Variants in NOX4 observed in about 807,000 individuals in gnomAD.
NOX4 encodes the protein kidney oxidase-1.
NOX4 carries 69 observed loss-of-function variants against 87.6 expected under a neutral mutation model. The observed-to-expected ratio is 0.79, with a 90% CI of 0.65 to 0.96. The LOEUF (loss-of-function observed/expected upper bound fraction) is 0.96, where lower values mean the gene tolerates loss of function less well. NOX4 is among the 40% of genes least tolerant of loss of function. The pLI is 0.00. For missense variants in NOX4, 680 were observed against 681.5 expected, an observed-to-expected ratio of 1.00 and a Z score of 0.02; for synonymous variants, 275 against 238.2, an observed-to-expected ratio of 1.15 and a Z score of -1.42.
the NOX4 span, among the ~76,000 whole-genome samples, chr11:89,567,081 T>C: frequency 6.6e-6 from 1 of 152,106 alleles, no homozygotes; most frequent in African/African-American, 2.4e-5. Context: ...TTGTTGACTA[T>C]CAGACCTGAA....
At chr11:89,459,000 C>A (rs1004432858) in intron 2 of NOX4, among the ~76,000 whole-genome samples, 1 of 152,080 alleles carries the variant, frequency 6.6e-6, no homozygotes, top group African/African-American at 2.4e-5. Context: ...AAGACACATG[C>A]ACACATACAT....
intron 12 of NOX4, among the ~76,000 whole-genome samples, chr11:89,358,478 T>C (rs1223871094): frequency 6.6e-6 from 1 of 150,946 alleles, no homozygotes; most frequent in African/African-American, 2.4e-5. Flanking sequence ...AAAGCATGTC[T>C]TTTAAAAAAA....
the NOX4 span, among the ~76,000 whole-genome samples, chr11:89,567,275 C>T: frequency 1.3e-5 from 2 of 152,146 alleles, no homozygotes; most frequent in Non-Finnish European, 1.5e-5. Context: ...ACCTAACCAT[C>T]GGAGAGCTTT....
At chr11:89,551,987 A>C in the NOX4 span, among the ~76,000 whole-genome samples, 2 of 152,124 alleles carry the variant, frequency 1.3e-5, no homozygotes, top group African/African-American at 4.8e-5. Context: ...TCTTACACAC[A>C]CACACTCACA....
At chr11:89,534,590 C>T in the NOX4 span, among the ~76,000 whole-genome samples, 5 of 152,242 alleles carry the variant, frequency 3.3e-5, no homozygotes, top group African/African-American at 1.2e-4. Context: ...TTCTGTACAG[C>T]TCTTGCCAGG....
intron 7 of NOX4, among the ~76,000 whole-genome samples, chr11:89,427,451 T>C (rs1216800491): frequency 2.0e-5 from 3 of 152,086 alleles, no homozygotes; most frequent in Non-Finnish European, 2.9e-5. Context: ...TTCGAACCCA[T>C]TGCAAAGAAG....
the NOX4 span, among the ~76,000 whole-genome samples, chr11:89,565,758 A>G: frequency 1.3e-5 from 2 of 151,924 alleles, no homozygotes; most frequent in Non-Finnish European, 2.9e-5. Flanking sequence ...ATCTATTCCT[A>G]CTTTGCTAAA....
At chr11:89,454,180 TTA>T (rs1945087705) in intron 2 of NOX4, among the ~76,000 whole-genome samples, 1 of 152,116 alleles carries the variant, frequency 6.6e-6, no homozygotes, top group Admixed American at 6.5e-5. Flanking sequence ...CTTGAATTTT[TTA>T]TGTTTTAACC....
At chr11:89,514,029 T>C in the NOX4 span, among the ~76,000 whole-genome samples, 5 of 152,074 alleles carry the variant, frequency 3.3e-5, no homozygotes, top group Admixed American at 6.6e-5. Flanking sequence ...AATAAATTTC[T>C]ATTCATTATA....
intron 14 of NOX4, among the ~76,000 whole-genome samples, chr11:89,340,677 A>G (rs1404319843): frequency 6.6e-6 from 1 of 152,202 alleles, no homozygotes; most frequent in Non-Finnish European, 1.5e-5. Flanking sequence ...ATCATTAAAG[A>G]AAGAGATTTC....
Position 89,444,221 on chromosome 11 carries a change from C to A in NOX4, c.361G>T (p.Ala121Ser), listed in dbSNP as rs775260926. Reference sequence around the variant, plus strand: ...TTGAGGGCATTCACCAGATGGGCAGCCACATGCACGCCTACAGAATTACAC... The same window carrying A: ...TTGAGGGCATTCACCAGATGGGCAGACACATGCACGCCTACAGAATTACAC... ...TICIFSGVHV[A>S]AHLVNALNFS... The change falls in exon 5 of 18, where the codon GCT becomes TCT. Residue 121 changes from alanine (A) to serine (S), a missense_variant. Physicochemically the swap from Ala to Ser is moderately conservative, Grantham distance 99. Transcript: ENST00000263317. The A allele has an allele frequency of 1.2e-6, 2 of 1,613,176 alleles. No individual in the cohort carries two copies. The highest frequency in any genetic ancestry group is 1.7e-6 in the Non-Finnish European group (2 of 1,179,510).
chr11:89,587,337 TG>T, the NOX4 span, among the ~76,000 whole-genome samples: 1 of 152,178 alleles, frequency 6.6e-6, no homozygotes, highest in Non-Finnish European at 1.5e-5. Context: ...AAACATTTTT[TG>T]TAAGAAGATA....
At chr11:89,583,547 T>C in the NOX4 span, among the ~76,000 whole-genome samples, 1 of 152,308 alleles carries the variant, frequency 6.6e-6, no homozygotes, top group African/African-American at 2.4e-5. Flanking sequence ...CCTTGCCTTG[T>C]CTGTCAGCCT....
intron 7 of NOX4, among the ~76,000 whole-genome samples, chr11:89,424,217 TTTTTA>T (rs1340557990): frequency 1.3e-5 from 2 of 151,920 alleles, no homozygotes; most frequent in African/African-American, 2.4e-5. Context: ...AAGTGGTATA[TTTTTA>T]TTTTATTCAA....
chr11:89,583,994 C>A, the NOX4 span, among the ~76,000 whole-genome samples: 2 of 152,054 alleles, frequency 1.3e-5, no homozygotes, highest in African/African-American at 2.4e-5. Context: ...ATCAATGATG[C>A]CTTTGAAAAA....
the NOX4 span, among the ~76,000 whole-genome samples, chr11:89,586,272 C>A: frequency 1.1e-4 from 17 of 152,130 alleles, no homozygotes; most frequent in Non-Finnish European, 2.5e-4. Flanking sequence ...TCAACTGAAG[C>A]CTTATAATAG....
At chr11:89,359,646 G>C (rs1335144911) in intron 12 of NOX4, among the ~76,000 whole-genome samples, 1 of 151,952 alleles carries the variant, frequency 6.6e-6, no homozygotes, top group Non-Finnish European at 1.5e-5. Context: ...TTTTTTAACA[G>C]CAACCTAAGA....
the NOX4 span, among the ~76,000 whole-genome samples, chr11:89,571,494 AC>A: frequency 6.6e-6 from 1 of 151,896 alleles, no homozygotes; most frequent in Non-Finnish European, 1.5e-5. Context: ...ACGGCATTTC[AC>A]CACATTGGCC....
the NOX4 span, among the ~76,000 whole-genome samples, chr11:89,538,053 G>C: frequency 6.6e-6 from 1 of 152,088 alleles, no homozygotes; most frequent in East Asian, 1.9e-4. Context: ...TTTTCATTTT[G>C]TTCTATTTTT....
Sources: gnomAD v4.1 joint callset for allele counts (sites outside exome capture counted in the v4.1 genomes callset) on GRCh38, gnomAD v4.1.1 for gene constraint, MANE v1.5 for transcripts, NCBI Gene and HGNC (gene_info 2026-07-23, HGNC 2026-07-21) for gene names.